PHACTR2: variants seen among roughly 807,000 people sequenced by gnomAD.
PHACTR2 encodes the protein phosphatase and actin regulator 2.
In PHACTR2, 30 loss-of-function variants were observed where a neutral mutation model predicts 76.0. The ratio of observed to expected loss-of-function variants is 0.39; its 90% confidence interval spans 0.30 to 0.54. The LOEUF is 0.54. PHACTR2 is among the 20% of genes least tolerant of loss of function. PHACTR2 has a pLI of 0.61. For missense variants in PHACTR2, 696 were observed against 781.1 expected (o/e 0.89, Z 1.30); for synonymous variants, 292 against 292.5 (o/e 1.00, Z 0.02).
At chr6:143,628,936 T>G (rs1364681562) in intron 1 of PHACTR2, among the ~76,000 whole-genome samples, 1 of 13,688 alleles carries the variant, frequency 7.3e-5, no homozygotes, top group African/African-American at 2.0e-4. Context: ...TATATATATA[T>G]ATATATATAT....
At chr6:143,759,848 T>C (rs1334764392) in intron 4 of PHACTR2, among the ~76,000 whole-genome samples, 1 of 152,104 alleles carries the variant, frequency 6.6e-6, no homozygotes, top group African/African-American at 2.4e-5. Flanking sequence ...GAGTCTCTCT[T>C]AGCTTACAAA....
At chr6:143,713,486 A>C (rs1778230037) in intron 2 of PHACTR2, among the ~76,000 whole-genome samples, 4 of 152,200 alleles carry the variant, frequency 2.6e-5, no homozygotes, top group Non-Finnish European at 5.9e-5. Context: ...ACTTGGCTTA[A>C]GGGAAAATAA....
In PHACTR2 at chr6:143,557,909, T is replaced by C. The variant is rs1372512012; in HGVS notation, c.217+20702T>C. On this transcript the variant is annotated intron_variant, in intron 1 of 11. Transcript: ENST00000367584. This position sits in a 1 kb window ranked among gnomAD's most constrained non-coding sequence, Gnocchi z 5.5. The stretch of plus-strand genomic sequence containing the variant: ...TCTTCCATGAGAATTGTGCTTTTTT[T>C]CCCCCTTTGCTTTGTTTTGTTTTCT... The C allele has an allele frequency of 6.6e-6, 1 of 152,176 alleles. No homozygotes were observed. The highest frequency in any genetic ancestry group is 6.5e-5 in the Admixed American group (1 of 15,274). The allele number at this position is 152,176 out of a possible 1,614,324, so 9.4% of individuals were successfully genotyped here. A position where few individuals can be genotyped will look rare whatever the true frequency, so the allele number is the denominator to read the frequency against.
intron 1 of PHACTR2, among the ~76,000 whole-genome samples, chr6:143,615,815 C>T (rs1776050161): frequency 6.6e-6 from 1 of 152,074 alleles, no homozygotes; most frequent in African/African-American, 2.4e-5. Flanking sequence ...GAGGGAAGAC[C>T]ACAGAGTACC....
rs1346148587 is a variant in PHACTR2 at position 143,554,407 on chromosome 6, G to C, written c.217+17200G>C. 6.6e-6 allele frequency: 1 copy of C among 152,182 alleles called. No homozygotes were observed. Among genetic ancestry groups the C allele is most frequent in the African/African-American group, 2.4e-5 (1 of 41,430 alleles). 9.4% of individuals were successfully genotyped at this position (152,182 alleles called of 1,614,324 possible). On this transcript the variant is annotated intron_variant, in intron 1 of 11. Coordinates refer to the PHACTR2 transcript ENST00000367584. The surrounding 1 kb of genome is among the most constrained non-coding windows in gnomAD (Gnocchi z 5.9). ...CACTGCTATCGATTTTGTAGTCGGG[G>C]AGTGGGATTGGGCTCAACTCTGAAT...
intron 2 of PHACTR2, among the ~76,000 whole-genome samples, chr6:143,741,603 G>T (rs759967830): frequency 3.9e-5 from 6 of 152,138 alleles, no homozygotes; most frequent in Non-Finnish European, 8.8e-5. Context: ...AGAAATAGAT[G>T]ATTACTATCA....
At chr6:143,636,245 C>T (rs948095950) in intron 1 of PHACTR2, among the ~76,000 whole-genome samples, 1 of 151,640 alleles carries the variant, frequency 6.6e-6, no homozygotes, top group Non-Finnish European at 1.5e-5. Context: ...CCATGCTTTC[C>T]TCTGCTGCCT....
intron 1 of PHACTR2, among the ~76,000 whole-genome samples, chr6:143,702,647 T>C (rs1391080741): frequency 6.6e-6 from 1 of 152,134 alleles, no homozygotes; most frequent in Non-Finnish European, 1.5e-5. Context: ...ATATATAGCA[T>C]AATGTGAAAG....
chr6:143,606,213 G>A (rs1364144548), upstream of PHACTR2, among the ~76,000 whole-genome samples: 5 of 152,178 alleles, frequency 3.3e-5, no homozygotes, highest in Non-Finnish European at 5.9e-5. Context: ...ATAGCGTCAC[G>A]TCACTTCAAG....
chr6:143,544,736 C>T (rs909803921), intron 1 of PHACTR2, among the ~76,000 whole-genome samples: 1 of 152,172 alleles, frequency 6.6e-6, no homozygotes, highest in Non-Finnish European at 1.5e-5. Context: ...TTTATTTTTG[C>T]ATTCTCAGTA....
At position 143,641,020 on chromosome 6, in the gene PHACTR2, T is replaced by C. The variant is rs537461197; in HGVS notation, c.13+32698T>C. Among the ~76,000 whole-genome samples, 27 of 152,282 alleles carry C rather than the reference T, an allele frequency of 1.8e-4. No individual in the cohort carries two copies. Among genetic ancestry groups the C allele is most frequent in the South Asian group, 4.1e-4 (2 of 4,830 alleles). On this transcript the variant is annotated intron_variant, in intron 1 of 11. Transcript: ENST00000305766. This position sits in a 1 kb window ranked among gnomAD's most constrained non-coding sequence, Gnocchi z 5.8. ...CAGGGTAATTTATAATGAATGAGAATGTATTTCTCATAGTTCTGGAGGTTG... is the reference window on the plus strand; with the variant it reads ...CAGGGTAATTTATAATGAATGAGAACGTATTTCTCATAGTTCTGGAGGTTG...
At position 143,778,653 on chromosome 6, in the gene PHACTR2, A is replaced by G. The variant is rs140438161; in HGVS notation, c.1645+1270A>G. 6.2e-3 allele frequency among the ~76,000 whole-genome samples: 945 copies of G among 152,272 alleles called. 7 individuals carry two copies. Among genetic ancestry groups the G allele is most frequent in the South Asian group, 0.022 (108 of 4,824 alleles). Reference sequence around the variant, plus strand: ...TCTCATTTTGACACAAAACAAACCAAAAAGGTTCATTGCTTTTCATGATAG... The same window carrying G: ...TCTCATTTTGACACAAAACAAACCAGAAAGGTTCATTGCTTTTCATGATAG... On this transcript the variant is annotated intron_variant, in intron 9 of 12. Coordinates refer to ENST00000440869, the MANE Select transcript of PHACTR2 (RefSeq NM_001100164.2).
intron 1 of PHACTR2, among the ~76,000 whole-genome samples, chr6:143,615,286 AGT>A (rs1186788842): frequency 6.6e-6 from 1 of 152,106 alleles, no homozygotes; most frequent in East Asian, 1.9e-4. Context: ...CTGCTTTAAG[AGT>A]GGGGATTCTT....
At position 143,698,572 on chromosome 6, in the gene PHACTR2, T is replaced by C. The variant is rs549294360; in HGVS notation, c.47-13444T>C. On this transcript the variant is annotated intron_variant, in intron 1 of 12. Coordinates refer to ENST00000440869, the MANE Select transcript of PHACTR2 (RefSeq NM_001100164.2). The surrounding 1 kb of genome is among the most constrained non-coding windows in gnomAD (Gnocchi z 4.3). ...CAATTTTACCCTGAATTTTAACTCA[T>C]AATTTGGAGGCCATCTTGTGCTATG... Among the ~76,000 whole-genome samples the C allele has an allele frequency of 6.6e-6, 1 of 152,330 alleles. No individual in the cohort carries two copies. Among genetic ancestry groups the C allele is most frequent in the Admixed American group, 6.5e-5 (1 of 15,304 alleles).
intron 1 of PHACTR2, among the ~76,000 whole-genome samples, chr6:143,560,907 G>C (rs952016351): frequency 1.3e-5 from 2 of 151,518 alleles, no homozygotes; most frequent in African/African-American, 4.9e-5. Flanking sequence ...GTGTGTGTGT[G>C]TGTGTGTGTG....
rs1237395339 is a variant in PHACTR2, at chr6:143,761,580, C to G, written c.694+940C>G. 1.3e-5 allele frequency among the ~76,000 whole-genome samples: 2 copies of G among 152,022 alleles called. No individual in the cohort carries two copies. The highest frequency in any genetic ancestry group is 2.4e-5 in the African/African-American group (1 of 41,394). ...ACCAACCTGGTCAACATGGTGAAAC[C>G]CTGTCTCTGCTAAAAATACAAGAAT... On this transcript the variant is annotated intron_variant, in intron 5 of 12. Coordinates refer to ENST00000440869, the MANE Select transcript of PHACTR2 (RefSeq NM_001100164.2). This position sits in a 1 kb window ranked among gnomAD's most constrained non-coding sequence, Gnocchi z 5.2.
chr6:143,566,160 C>T (rs780800759), intron 1 of PHACTR2, among the ~76,000 whole-genome samples: 2 of 152,162 alleles, frequency 1.3e-5, no homozygotes, highest in Middle Eastern at 3.4e-3. Context: ...GATGGCATCT[C>T]GCTATGTTGC....
rs937944984 is a variant in PHACTR2, at chr6:143,803,084, G to A, written c.1846-3973G>A. 6.6e-6 allele frequency among the ~76,000 whole-genome samples: 1 copy of A among 152,056 alleles called. No individual in the cohort carries two copies. Among genetic ancestry groups the A allele is most frequent in the African/African-American group, 2.4e-5 (1 of 41,368 alleles). ...CAGGGGCCCAGAAGCTCATATTAAT[G>A]GAAAGACTGTAGGATGTGAGGTTAA... On this transcript the variant is annotated intron_variant, in intron 11 of 12. Transcript: ENST00000440869. The surrounding 1 kb of genome is among the most constrained non-coding windows in gnomAD (Gnocchi z 4.7).
rs1221750034 is a variant in PHACTR2, at chr6:143,784,504, G to T, written c.1707+1224G>T. Among the ~76,000 whole-genome samples the T allele has an allele frequency of 6.6e-6, 1 of 152,108 alleles. No homozygotes were observed. Among genetic ancestry groups the T allele is most frequent in the Non-Finnish European group, 1.5e-5 (1 of 68,014 alleles). ...GTGTGACCTGACCCACATTTTTGTGGGCTGGCCAGGGAGTCTTCAACAAAA... is the reference window on the plus strand; with the variant it reads ...GTGTGACCTGACCCACATTTTTGTGTGCTGGCCAGGGAGTCTTCAACAAAA... On this transcript the variant is annotated intron_variant, in intron 10 of 12. Coordinates refer to ENST00000440869, the MANE Select transcript of PHACTR2 (RefSeq NM_001100164.2). The surrounding 1 kb of genome is among the most constrained non-coding windows in gnomAD (Gnocchi z 4.5).
Sources: allele counts gnomAD v4.1 joint callset (sites outside exome capture counted in the v4.1 genomes callset), GRCh38; gene constraint gnomAD v4.1.1; non-coding constraint Gnocchi (gnomAD v3.1); transcripts MANE v1.5; gene names NCBI Gene and HGNC (gene_info 2026-07-23, HGNC 2026-07-21).